Variants in QTMAN observed in about 807,000 individuals in gnomAD.
QTMAN encodes the protein tRNA-queuosine alpha-mannosyltransferase.
At chr2:144,184,369 G>C in the QTMAN span, among the ~76,000 whole-genome samples, 19 of 152,064 alleles carry the variant, frequency 1.2e-4, no homozygotes, top group Non-Finnish European at 2.6e-4. Context: ...TTAAAAGAAA[G>C]ATAATCTAGC....
At chr2:144,122,542 C>T in the QTMAN span, among the ~76,000 whole-genome samples, 1 of 152,222 alleles carries the variant, frequency 6.6e-6, no homozygotes, top group East Asian at 1.9e-4. Flanking sequence ...GGAAAGGATA[C>T]TAAATGAAAG....
At chr2:144,198,673 T>C in the QTMAN span, among the ~76,000 whole-genome samples, 4 of 152,332 alleles carry the variant, frequency 2.6e-5, no homozygotes, top group Admixed American at 6.5e-5. Context: ...TTCATGTTTA[T>C]GTGATTTTGA....
At chr2:144,218,692 T>C in the QTMAN span, among the ~76,000 whole-genome samples, 1 of 152,150 alleles carries the variant, frequency 6.6e-6, no homozygotes, top group Non-Finnish European at 1.5e-5. Flanking sequence ...TCAGTTAATT[T>C]TGAAACAGAA....
chr2:144,033,921 A>G, the QTMAN span, among the ~76,000 whole-genome samples: 1 of 152,352 alleles, frequency 6.6e-6, no homozygotes, highest in South Asian at 2.1e-4. Flanking sequence ...GTATTATATC[A>G]TTGTATCACA....
At chr2:144,011,085 T>C in the QTMAN span, among the ~76,000 whole-genome samples, 1 of 152,174 alleles carries the variant, frequency 6.6e-6, no homozygotes, top group African/African-American at 2.4e-5. Flanking sequence ...ATAGTATCTT[T>C]TCAAATTTTT....
At chr2:144,024,666 G>A in the QTMAN span, among the ~76,000 whole-genome samples, 4 of 152,162 alleles carry the variant, frequency 2.6e-5, no homozygotes, top group African/African-American at 7.2e-5. Context: ...CATCAACAGG[G>A]AAGAGAATGA....
chr2:144,263,680 G>A, the QTMAN span, among the ~76,000 whole-genome samples: 1 of 152,168 alleles, frequency 6.6e-6, no homozygotes, highest in South Asian at 2.1e-4. Context: ...CCGAGATTGT[G>A]CCATTGCACT....
At chr2:144,271,376 T>C in the QTMAN span, among the ~76,000 whole-genome samples, 1 of 152,166 alleles carries the variant, frequency 6.6e-6, no homozygotes, top group Non-Finnish European at 1.5e-5. Flanking sequence ...AATCTAAATA[T>C]TGAACAGCTT....
the QTMAN span, among the ~76,000 whole-genome samples, chr2:143,966,622 CT>C: frequency 6.6e-6 from 1 of 152,200 alleles, no homozygotes; most frequent in South Asian, 2.1e-4. Context: ...GCAGTGAGGC[CT>C]TGGGAAAGTC....
the QTMAN span, among the ~76,000 whole-genome samples, chr2:144,323,033 T>C: frequency 6.6e-6 from 1 of 152,212 alleles, no homozygotes; most frequent in Non-Finnish European, 1.5e-5. Context: ...AATTTTATCA[T>C]TGGCAACAAA....
the QTMAN span, among the ~76,000 whole-genome samples, chr2:144,104,264 A>G: frequency 6.6e-6 from 1 of 152,154 alleles, no homozygotes; most frequent in African/African-American, 2.4e-5. Flanking sequence ...GTGGGGGCAG[A>G]ACAGTGGGTG....
the QTMAN span, among the ~76,000 whole-genome samples, chr2:144,301,459 G>A: frequency 6.6e-6 from 1 of 152,198 alleles, no homozygotes; most frequent in African/African-American, 2.4e-5. Flanking sequence ...CTGACCTCAG[G>A]TGATTCACCC....
the QTMAN span, among the ~76,000 whole-genome samples, chr2:144,042,034 C>T: frequency 6.6e-6 from 1 of 152,106 alleles, no homozygotes; most frequent in Non-Finnish European, 1.5e-5. Context: ...GATGTGGAGT[C>T]CAGCCTTTGT....
the QTMAN span, among the ~76,000 whole-genome samples, chr2:143,991,896 T>G: frequency 7.5e-6 from 1 of 133,908 alleles, no homozygotes; most frequent in Non-Finnish European, 1.6e-5. Flanking sequence ...AGCCACCCCG[T>G]CCGGGAGGGA....
the QTMAN span, among the ~76,000 whole-genome samples, chr2:144,172,222 T>C: frequency 6.6e-6 from 1 of 152,158 alleles, no homozygotes; most frequent in African/African-American, 2.4e-5. Flanking sequence ...ATTGCTTAAA[T>C]TGAATTTAAA....
chr2:144,199,633 T>A, the QTMAN span, among the ~76,000 whole-genome samples: 1 of 152,168 alleles, frequency 6.6e-6, no homozygotes, highest in South Asian at 2.1e-4. Context: ...TCTCTAGCTC[T>A]AAAAATTAAA....
chr2:144,154,828 G>A, the QTMAN span, among the ~76,000 whole-genome samples: 1 of 152,096 alleles, frequency 6.6e-6, no homozygotes, highest in South Asian at 2.1e-4. Context: ...CTATCACTCT[G>A]GATTTTAAAG....
At chr2:144,309,142 T>A in the QTMAN span, among the ~76,000 whole-genome samples, 1 of 152,194 alleles carries the variant, frequency 6.6e-6, no homozygotes, top group Non-Finnish European at 1.5e-5. Flanking sequence ...GTGGAGCAAC[T>A]AGAATTTTTT....
At chr2:144,075,566 C>A in the QTMAN span, among the ~76,000 whole-genome samples, 12 of 152,150 alleles carry the variant, frequency 7.9e-5, no homozygotes, top group Non-Finnish European at 1.5e-4. Context: ...GTCACTGTAG[C>A]CCTTACAAAG....
Sources: allele counts gnomAD v4.1 joint callset (sites outside exome capture counted in the v4.1 genomes callset), GRCh38; gene constraint gnomAD v4.1.1; transcripts MANE v1.5; gene names NCBI Gene and HGNC (gene_info 2026-07-23, HGNC 2026-07-21).